Variants in WNT9B observed in about 807,000 individuals in gnomAD.
WNT9B encodes Wnt family member 9B.
A neutral mutation model predicts 30.2 loss-of-function variants in WNT9B; 12 were observed. That is an observed-to-expected ratio of 0.40 (90% CI 0.26 to 0.64). WNT9B has a LOEUF of 0.64. Among genes scored for constraint, WNT9B ranks in the 30% least tolerant of loss-of-function variants. The pLI is 0.42. For missense variants in WNT9B, 442 were observed against 485.2 expected (o/e 0.91, Z 0.84); for synonymous variants, 218 against 216.9 (o/e 1.01, Z -0.05).
intron 1 of WNT9B, among the ~76,000 whole-genome samples, chr17:46,835,493 G>A (rs192819684): frequency 6.6e-6 from 1 of 152,234 alleles, no homozygotes; most frequent in African/African-American, 2.4e-5. Flanking sequence ...TTACAGGCAT[G>A]AGCCACCACG....
Position 46,866,862 on chromosome 17 carries a change from T to C in WNT9B, c.78-5655T>C, listed in dbSNP as rs985937698. 2.6e-5 allele frequency among the ~76,000 whole-genome samples: 4 copies of C among 151,860 alleles called. No individual in the cohort carries two copies. In the South Asian group the frequency reaches 8.3e-4, roughly 32 times the overall value. On this transcript the variant is annotated intron_variant, in intron 1 of 3. Coordinates refer to ENST00000290015, the MANE Select transcript of WNT9B (RefSeq NM_003396.3). ...TCTCAAGCAGAAACTAGGATGGGAG[T>C]AGGTGGAAGAACAGGGCTTGGGGTC...
upstream of WNT9B, among the ~76,000 whole-genome samples, chr17:46,849,477 G>C (rs2146536698): frequency 1.3e-5 from 2 of 152,304 alleles, no homozygotes; most frequent in South Asian, 2.1e-4. Flanking sequence ...GGTGGGGTCT[G>C]TCTGCCACCC....
Position 46,872,571 on chromosome 17 carries a change from C to T in WNT9B, c.132C>T (p.Ala44=). 6.3e-7 allele frequency: 1 copy of T among 1,599,020 alleles called. No individual in the cohort carries two copies. The part of the protein sequence containing the change: ...TPFPGLGTAA[A]PAQGGAHLKQ... ...TCCCAGGATTGGGCACTGCGGCAGC[C>T]CCGGCACAGGGCGGGGCCCACCTGA... Residue 44 remains alanine (A), a synonymous_variant, in exon 2 of 4, where the codon GCC becomes GCT. Coordinates refer to ENST00000290015, the MANE Select transcript of WNT9B (RefSeq NM_003396.3).
chr17:46,868,595 AAAAACAAAAC>A (rs57933868), intron 1 of WNT9B, among the ~76,000 whole-genome samples: 179 of 152,114 alleles, frequency 1.2e-3, no homozygotes, highest in Middle Eastern at 6.8e-3. Context: ...GACTCGATTA[AAAAACAAAAC>A]AAAACAAAAC....
intron 1 of WNT9B, among the ~76,000 whole-genome samples, chr17:46,843,621 C>T (rs2084740960): frequency 1.3e-5 from 2 of 152,178 alleles, no homozygotes; most frequent in African/African-American, 2.4e-5. Flanking sequence ...TGCCAGCTCC[C>T]TGGGTTCTAA....
chr17:46,858,752 G>C (rs1257560052), intron 1 of WNT9B, among the ~76,000 whole-genome samples: 2 of 152,026 alleles, frequency 1.3e-5, no homozygotes, highest in Non-Finnish European at 2.9e-5. Flanking sequence ...CTACAGCCTC[G>C]ACCTTCTGGA....
In WNT9B at chr17:46,877,507, C is replaced by T. The variant is rs746554295; in HGVS notation, c.*789C>T. Among the ~76,000 whole-genome samples, 5 of 152,190 alleles carry T rather than the reference C, an allele frequency of 3.3e-5. No individual in the cohort carries two copies. The highest frequency in any genetic ancestry group is 5.9e-5 in the Non-Finnish European group (4 of 68,036). ...CAGGTGGGAGAACTAGCCACCAAGG[C>T]GGGACTCAGTGCACCTGAGGTTGAA... On this transcript the variant is annotated 3_prime_UTR_variant, in exon 4 of 4. Coordinates refer to ENST00000290015, the MANE Select transcript of WNT9B (RefSeq NM_003396.3).
intron 1 of WNT9B, among the ~76,000 whole-genome samples, chr17:46,833,612 T>C (rs1422407946): frequency 2.0e-5 from 3 of 152,136 alleles, no homozygotes; most frequent in African/African-American, 7.2e-5. Flanking sequence ...CCCTGGCTCA[T>C]GGAGTGAGTG....
intron 1 of WNT9B, among the ~76,000 whole-genome samples, chr17:46,869,521 A>G (rs1288485174): frequency 1.3e-5 from 2 of 152,254 alleles, no homozygotes; most frequent in African/African-American, 2.4e-5. Flanking sequence ...ACAAAAATGA[A>G]CAAACCAACA....
chr17:46,867,602 C>A (rs538164063), intron 1 of WNT9B, among the ~76,000 whole-genome samples: 2 of 152,326 alleles, frequency 1.3e-5, no homozygotes, highest in African/African-American at 4.8e-5. Context: ...GTGGACAGAG[C>A]AGTCTCCTGG....
intron 1 of WNT9B, among the ~76,000 whole-genome samples, chr17:46,841,898 TG>T (rs926754422): frequency 3.3e-5 from 5 of 152,140 alleles, no homozygotes; most frequent in African/African-American, 4.8e-5. Flanking sequence ...CTGCGGTGTG[TG>T]GGGGGGTCTC....
At chr17:46,853,279 A>G (rs1192654710) in intron 1 of WNT9B, among the ~76,000 whole-genome samples, 2 of 148,086 alleles carry the variant, frequency 1.4e-5, no homozygotes, top group Non-Finnish European at 3.0e-5. Context: ...TATACTGCCT[A>G]TTTTATAAGA....
rs2085395124 is a variant in WNT9B at position 46,879,464 on chromosome 17, AATG to A, written c.*2749_*2751del. Among the ~76,000 whole-genome samples the A allele has an allele frequency of 6.6e-6, 1 of 152,204 alleles. No homozygotes were observed. The highest frequency in any genetic ancestry group is 2.1e-4 in the South Asian group (1 of 4,830). On this transcript the variant is annotated 3_prime_UTR_variant, in exon 4 of 4. Coordinates refer to ENST00000290015, the MANE Select transcript of WNT9B (RefSeq NM_003396.3). The stretch of plus-strand genomic sequence containing the variant: ...GCTCTGGCAAAAGTGTCTTACTCAT[AATG>A]ATAATGACAACGAGAATTCCCACAC...
At chr17:46,866,835 C>T (rs1487734104) in intron 1 of WNT9B, among the ~76,000 whole-genome samples, 1 of 152,132 alleles carries the variant, frequency 6.6e-6, no homozygotes, top group Non-Finnish European at 1.5e-5. Context: ...AGCATCAGAC[C>T]CTCTCAAGCA....
chr17:46,845,785 CTTTTTTTTT>C (rs34253824), intron 1 of WNT9B, among the ~76,000 whole-genome samples: 1 of 86,782 alleles, frequency 1.2e-5, no homozygotes, highest in African/African-American at 5.2e-5. Context: ...ACTGTGCTGG[CTTTTTTTTT>C]TTTTTTTTTT....
intron 1 of WNT9B, among the ~76,000 whole-genome samples, chr17:46,858,728 A>G (rs943876820): frequency 6.6e-6 from 1 of 152,192 alleles, no homozygotes; most frequent in African/African-American, 2.4e-5. Context: ...AATGTGTTAC[A>G]CAATCACAGC....
chr17:46,847,967 A>AGTGTGTGTGTGTGTGTGT (rs57125736), upstream of WNT9B, among the ~76,000 whole-genome samples: 7 of 149,702 alleles, frequency 4.7e-5, no homozygotes, highest in Admixed American at 2.0e-4. Context: ...TGATTTCCAA[A>AGTGTGTGTGTGTGTGTGT]GTGTGTGTGT....
In WNT9B at chr17:46,870,904, C is replaced by CTTTTTTTTTTTTT. The variant is rs144277402; in HGVS notation, c.78-1601_78-1589dup. Among the ~76,000 whole-genome samples, 11 of 78,394 alleles carry CTTTTTTTTTTTTT rather than the reference C, an allele frequency of 1.4e-4. 1 individual carries two copies. Among genetic ancestry groups the CTTTTTTTTTTTTT allele is most frequent in the African/African-American group, 5.0e-4 (10 of 19,980 alleles). The allele number at this position is 78,394 out of a possible 152,430, so 51.4% of individuals were successfully genotyped here. A position where few individuals can be genotyped will look rare whatever the true frequency, so the allele number is the denominator to read the frequency against. ...GAGACATTGCCTGCTTCCACCTTTG[C>CTTTTTTTTTTTTT]TTTTTTTTTTTTTTTTTTTTTTTTG... is the stretch of plus-strand genomic sequence containing the variant. On this transcript the variant is annotated intron_variant, in intron 1 of 3. Transcript: ENST00000290015.
chr17:46,837,199 C>CG (rs2084643592), intron 1 of WNT9B, among the ~76,000 whole-genome samples: 2 of 152,126 alleles, frequency 1.3e-5, no homozygotes, highest in African/African-American at 4.8e-5. Flanking sequence ...CCGCGGCCCC[C>CG]CAAAGTGCTG....
Sources: allele counts gnomAD v4.1 joint callset (sites outside exome capture counted in the v4.1 genomes callset), GRCh38; gene constraint gnomAD v4.1.1; transcripts MANE v1.5; gene names NCBI Gene and HGNC (gene_info 2026-07-23, HGNC 2026-07-21).